Variants in SPMIP2 observed in about 807,000 individuals in gnomAD.
The protein encoded by SPMIP2 is protein SPMIP2.
chr4:159,062,186 A>G, the SPMIP2 span, among the ~76,000 whole-genome samples: 2 of 152,242 alleles, frequency 1.3e-5, no homozygotes, highest in African/African-American at 4.8e-5. Flanking sequence ...GTGAGCAGCT[A>G]AAAAGCAGAG....
the SPMIP2 span, among the ~76,000 whole-genome samples, chr4:159,082,024 G>C: frequency 6.6e-6 from 1 of 151,920 alleles, no homozygotes; most frequent in Non-Finnish European, 1.5e-5. Flanking sequence ...TTCTTTAAAA[G>C]TTGTGCTTCT....
the SPMIP2 span, among the ~76,000 whole-genome samples, chr4:159,040,015 A>G: frequency 6.6e-6 from 1 of 152,270 alleles, no homozygotes; most frequent in Non-Finnish European, 1.5e-5. Flanking sequence ...ACAATTACAT[A>G]ATAACATTCA....
the SPMIP2 span, among the ~76,000 whole-genome samples, chr4:158,934,728 C>T: frequency 6.6e-6 from 1 of 152,066 alleles, no homozygotes; most frequent in African/African-American, 2.4e-5. Context: ...ACTCTGCCAC[C>T]CAAGAGAGAC....
the SPMIP2 span, among the ~76,000 whole-genome samples, chr4:159,016,009 T>C: frequency 6.6e-6 from 1 of 152,102 alleles, no homozygotes; most frequent in Non-Finnish European, 1.5e-5. Flanking sequence ...CAGAGAAGGG[T>C]GTGGTCAGTC....
At chr4:158,948,761 T>A in the SPMIP2 span, among the ~76,000 whole-genome samples, 2 of 152,016 alleles carry the variant, frequency 1.3e-5, no homozygotes, top group Non-Finnish European at 2.9e-5. Flanking sequence ...TGCGCCACCA[T>A]GCCCAGCTAA....
At chr4:158,915,224 T>G in the SPMIP2 span, 155 of 1,613,670 alleles carry the variant, frequency 9.6e-5, no homozygotes, top group Admixed American at 1.3e-4. Flanking sequence ...CTCTTGGCAA[T>G]GATGACTTAC....
chr4:159,075,502 T>C, the SPMIP2 span, among the ~76,000 whole-genome samples: 3 of 152,296 alleles, frequency 2.0e-5, no homozygotes, highest in East Asian at 3.9e-4. Flanking sequence ...AGATTTCTAG[T>C]AGATGAGTGG....
At chr4:158,915,195 A>G in the SPMIP2 span, 1 of 1,612,508 alleles carries the variant, frequency 6.2e-7, no homozygotes, top group East Asian at 2.2e-5. Flanking sequence ...TAGCTTCGGC[A>G]GCTTAGGTGG....
the SPMIP2 span, among the ~76,000 whole-genome samples, chr4:158,921,007 A>G: frequency 2.6e-5 from 4 of 152,232 alleles, no homozygotes; most frequent in Non-Finnish European, 5.9e-5. Flanking sequence ...TCTTCTGTTT[A>G]TACTCTTTCT....
chr4:159,061,029 G>C, the SPMIP2 span, among the ~76,000 whole-genome samples: 2 of 151,304 alleles, frequency 1.3e-5, no homozygotes, highest in South Asian at 4.2e-4. Context: ...AGGCTGCAGT[G>C]AGCTAAGACT....
At chr4:158,903,677 G>C in the SPMIP2 span, among the ~76,000 whole-genome samples, 5 of 152,270 alleles carry the variant, frequency 3.3e-5, no homozygotes, top group East Asian at 9.6e-4. Context: ...TCTGAAATCA[G>C]ATCTGTATGT....
At chr4:159,005,368 T>C in the SPMIP2 span, among the ~76,000 whole-genome samples, 9 of 151,132 alleles carry the variant, frequency 6.0e-5, no homozygotes, top group Admixed American at 5.9e-4. Context: ...TGCTTAAACC[T>C]GGGAGGCAGA....
the SPMIP2 span, among the ~76,000 whole-genome samples, chr4:158,903,723 G>C: frequency 6.6e-6 from 1 of 152,162 alleles, no homozygotes; most frequent in Non-Finnish European, 1.5e-5. Context: ...ACCCCATGAG[G>C]TAATGCCAGA....
chr4:159,002,445 A>G, the SPMIP2 span, among the ~76,000 whole-genome samples: 1 of 152,198 alleles, frequency 6.6e-6, no homozygotes, highest in Non-Finnish European at 1.5e-5. Flanking sequence ...TATTTTTTGT[A>G]GAGATGGGAT....
chr4:158,902,994 C>T, the SPMIP2 span, among the ~76,000 whole-genome samples: 72 of 152,244 alleles, frequency 4.7e-4, no homozygotes, highest in African/African-American at 9.6e-4. Context: ...GGGAGTGAAC[C>T]GTTCTGTCTC....
chr4:158,893,719 TG>T, the SPMIP2 span: 1 of 1,580,060 alleles, frequency 6.3e-7, no homozygotes, highest in Non-Finnish European at 8.6e-7. Flanking sequence ...TTTCCTTTTC[TG>T]TAAGAGAAGT....
chr4:159,009,498 G>A, the SPMIP2 span, among the ~76,000 whole-genome samples: 7 of 152,192 alleles, frequency 4.6e-5, no homozygotes, highest in Admixed American at 1.3e-4. Flanking sequence ...ACCAAGACTA[G>A]CAATGTTGGC....
At chr4:159,024,587 G>A in the SPMIP2 span, among the ~76,000 whole-genome samples, 2 of 152,120 alleles carry the variant, frequency 1.3e-5, no homozygotes, top group Non-Finnish European at 1.5e-5. Context: ...ACAAAATGAC[G>A]CCTGTAGTTA....
chr4:158,911,313 G>A, the SPMIP2 span, among the ~76,000 whole-genome samples: 151,257 of 151,982 alleles, frequency 1, 75,269 homozygotes, highest in South Asian at 1. Flanking sequence ...GTGCCACTAC[G>A]CTACAGCCTG....
Sources: gnomAD v4.1 joint callset for allele counts (sites outside exome capture counted in the v4.1 genomes callset) on GRCh38, gnomAD v4.1.1 for gene constraint, MANE v1.5 for transcripts, NCBI Gene and HGNC (gene_info 2026-07-23, HGNC 2026-07-21) for gene names.